STK39: variants seen among roughly 807,000 people sequenced by gnomAD.
The protein encoded by STK39 is serine/threonine kinase 39.
In STK39, 20 loss-of-function variants were observed where a neutral mutation model predicts 77.8. The ratio of observed to expected loss-of-function variants is 0.26; its 90% CI spans 0.18 to 0.37. The LOEUF (loss-of-function observed/expected upper bound fraction) is 0.37, where lower values mean the gene tolerates loss of function less well. Ranked by LOEUF, STK39 falls within the 10% of genes least tolerant of loss-of-function variation. The pLI is 1.00. For synonymous variants in STK39, 246 were observed against 234.1 expected, an observed-to-expected ratio of 1.05 and a Z score of -0.47; for missense variants, 479 against 656.5, an observed-to-expected ratio of 0.73 and a Z score of 2.95.
chr2:167,976,862 A>T (rs1683288725), intron 16 of STK39, among the ~76,000 whole-genome samples: 1 of 152,130 alleles, frequency 6.6e-6, no homozygotes. Context: ...GGCCAGCCTC[A>T]TGTCAATCAA....
intron 1 of STK39, among the ~76,000 whole-genome samples, chr2:168,202,866 T>C (rs1231958489): frequency 2.0e-5 from 3 of 152,134 alleles, no homozygotes; most frequent in African/African-American, 4.8e-5. Context: ...TAAGTGTGCA[T>C]TTCCATTTGC....
intron 17 of STK39, among the ~76,000 whole-genome samples, chr2:167,956,809 GAAC>G (rs1379333413): frequency 1.4e-5 from 2 of 143,884 alleles, no homozygotes; most frequent in Non-Finnish European, 3.0e-5. Context: ...CATTACATAA[GAAC>G]AACAAGGAAG....
intron 10 of STK39, among the ~76,000 whole-genome samples, chr2:168,095,717 C>T (rs1011719376): frequency 6.6e-6 from 1 of 150,550 alleles, no homozygotes; most frequent in Non-Finnish European, 1.5e-5. Context: ...AGCTCCGCCT[C>T]CTGGGTTCAC....
At chr2:168,102,271 A>G (rs1686848895) in intron 10 of STK39, among the ~76,000 whole-genome samples, 1 of 152,136 alleles carries the variant, frequency 6.6e-6, no homozygotes, top group African/African-American at 2.4e-5. Context: ...TACTCCCACC[A>G]GCATGGGAGG....
intron 10 of STK39, among the ~76,000 whole-genome samples, chr2:168,080,906 C>A (rs1325617994): frequency 3.3e-5 from 5 of 152,246 alleles, no homozygotes; most frequent in Admixed American, 3.3e-4. Flanking sequence ...CAAGGCTTGG[C>A]AGCTTCCACA....
At chr2:168,215,050 G>A (rs552668283) in intron 1 of STK39, among the ~76,000 whole-genome samples, 101 of 152,232 alleles carry the variant, frequency 6.6e-4, no homozygotes, top group Non-Finnish European at 8.1e-4. Flanking sequence ...TTTCAACACC[G>A]TATTTGCGCT....
chr2:167,971,543 T>A (rs911714281), intron 16 of STK39, among the ~76,000 whole-genome samples: 2 of 152,210 alleles, frequency 1.3e-5, no homozygotes, highest in African/African-American at 2.4e-5. Flanking sequence ...AGATCCTTAA[T>A]TTCTGAAAAA....
In STK39 at chr2:168,060,719, A is replaced by G. The variant is rs150601267; in HGVS notation, c.1376+2781T>C. ...CATTAATGTGGTACATATTAACTTC[A>G]GCAACATATATAATAGATCCCTTTA... is the stretch of plus-strand genomic sequence containing the variant. On this transcript the variant is annotated intron_variant, in intron 14 of 17. Transcript: ENST00000355999. Among the ~76,000 whole-genome samples, 1,139 of 152,346 alleles carry G rather than the reference A, an allele frequency of 7.5e-3. 8 individuals are homozygous for G. The highest frequency in any genetic ancestry group is 0.025 in the African/African-American group (1,049 of 41,576).
Position 168,247,540 on chromosome 2 carries a change from C to G in STK39, c.-105G>C, listed in dbSNP as rs1293386041. ...CACCTCTCGGCCGGCGCACGCCCTC[C>G]CCGCCCGCCGCCGCCGCCGCCGTCC... On this transcript the variant is annotated 5_prime_UTR_variant, in exon 1 of 18. Coordinates refer to ENST00000355999, the MANE Select transcript of STK39 (RefSeq NM_013233.3). 1.1e-6 allele frequency: 1 copy of G among 949,898 alleles called. No homozygotes were observed. Among genetic ancestry groups the G allele is most frequent in the Non-Finnish European group, 1.3e-6 (1 of 772,650 alleles). 58.8% of individuals were successfully genotyped at this position (949,898 alleles called of 1,614,324 possible). A position where few individuals can be genotyped will look rare whatever the true frequency, so the allele number is the denominator to read the frequency against.
intron 14 of STK39, among the ~76,000 whole-genome samples, chr2:168,052,418 T>C (rs1685421915): frequency 6.6e-6 from 1 of 152,172 alleles, no homozygotes; most frequent in Non-Finnish European, 1.5e-5. Context: ...CAGAAAAGTA[T>C]TTAAAAGAAC....
In STK39 at chr2:167,977,315, G is replaced by A. The variant is rs895515599; in HGVS notation, c.1499-12589C>T. ...TCCAATAATCATTATGTTATGGGAAGTGTCCAATAATCATTATGTGATTAT... is the reference window on the plus strand; with the variant it reads ...TCCAATAATCATTATGTTATGGGAAATGTCCAATAATCATTATGTGATTAT... On this transcript the variant is annotated intron_variant, in intron 16 of 17. Transcript: ENST00000355999. Among the ~76,000 whole-genome samples, 4 of 152,298 alleles carry A rather than the reference G, an allele frequency of 2.6e-5. No homozygotes were observed. In the East Asian group the frequency reaches 7.7e-4, roughly 29 times the overall value.
At position 167,995,902 on chromosome 2, in the gene STK39, T is replaced by C. The variant is rs552211184; in HGVS notation, c.1498+16732A>G. Among the ~76,000 whole-genome samples the C allele has an allele frequency of 5.8e-4, 88 of 152,318 alleles. 1 individual carries two copies. Among genetic ancestry groups the C allele is most frequent in the Non-Finnish European group, 9.7e-4 (66 of 68,026 alleles). ...TTGTCTGTTGCTGGTGCCAGCTTCA[T>C]GTCCTGCAGCCCATGCAGACACATG... On this transcript the variant is annotated intron_variant, in intron 16 of 17. Coordinates refer to ENST00000355999, the MANE Select transcript of STK39 (RefSeq NM_013233.3).
At chr2:168,025,947 G>T (rs144054611) in intron 14 of STK39, among the ~76,000 whole-genome samples, 1 of 152,140 alleles carries the variant, frequency 6.6e-6, no homozygotes, top group Non-Finnish European at 1.5e-5. Context: ...TACCAGCAAT[G>T]ACATTCAGTA....
At chr2:167,981,103 G>A (rs1029381693) in intron 16 of STK39, among the ~76,000 whole-genome samples, 6 of 152,000 alleles carry the variant, frequency 3.9e-5, no homozygotes, top group Admixed American at 2.6e-4. Flanking sequence ...TATTTAATAT[G>A]AGACTTTAGA....
chr2:168,018,607 G>GT (rs1491279681), intron 14 of STK39, among the ~76,000 whole-genome samples: 1 of 132,020 alleles, frequency 7.6e-6, no homozygotes, highest in East Asian at 2.5e-4. Context: ...AGAAATTGCA[G>GT]TAGGAAACAT....
At chr2:167,996,696 T>A (rs928907075) in intron 16 of STK39, among the ~76,000 whole-genome samples, 2 of 152,130 alleles carry the variant, frequency 1.3e-5, no homozygotes, top group South Asian at 2.1e-4. Context: ...TGCTCTTCCA[T>A]GGGAAAGAAG....
chr2:167,982,747 G>C (rs1247708832), intron 16 of STK39, among the ~76,000 whole-genome samples: 4 of 152,158 alleles, frequency 2.6e-5, no homozygotes, highest in African/African-American at 9.7e-5. Flanking sequence ...TGGTAGCCAA[G>C]AATAGGGAGC....
intron 1 of STK39, among the ~76,000 whole-genome samples, chr2:168,239,956 A>T (rs892702389): frequency 6.6e-6 from 1 of 152,242 alleles, no homozygotes; most frequent in East Asian, 1.9e-4. Context: ...TGCTGGTTAC[A>T]TGGTGTGTTC....
At chr2:168,172,968 G>T (rs1293440901) in intron 2 of STK39, among the ~76,000 whole-genome samples, 1 of 152,176 alleles carries the variant, frequency 6.6e-6, no homozygotes, top group African/African-American at 2.4e-5. Flanking sequence ...CGGCCCCAGG[G>T]AGGCTGCTGT....
Sources: allele counts gnomAD v4.1 joint callset (sites outside exome capture counted in the v4.1 genomes callset), GRCh38; gene constraint gnomAD v4.1.1; transcripts MANE v1.5; gene names NCBI Gene and HGNC (gene_info 2026-07-23, HGNC 2026-07-21).